UBA5: variants seen among roughly 807,000 people sequenced by gnomAD.
The protein encoded by UBA5 is ubiquitin like modifier activating enzyme 5.
A neutral mutation model predicts 52.9 loss-of-function variants in UBA5; 28 were observed. The ratio of observed to expected loss-of-function variants is 0.53; its 90% CI spans 0.39 to 0.73. UBA5 has a LOEUF of 0.73. UBA5 is among the 30% of genes least tolerant of loss of function. The probability of loss-of-function intolerance (pLI) is 0.00; values close to 1 mark genes in which losing one functional copy is unlikely to be tolerated. For missense variants in UBA5, 388 were observed against 492.7 expected (o/e 0.79, Z 2.01); for synonymous variants, 135 against 162.1 (o/e 0.83, Z 1.27).
chr3:132,670,927 G>A, intron 5 of UBA5, 38 bp from the exon 6 acceptor site: 1 of 1,468,524 alleles, frequency 6.8e-7, no homozygotes, highest in South Asian at 1.1e-5. Flanking sequence ...AGTGTATTTT[G>A]TGTCCTGATG....
Position 132,660,785 on chromosome 3 carries a change from T to C in UBA5, c.161+87T>C, listed in dbSNP as rs988208587. 5 of 1,451,142 alleles carry C rather than the reference T, an allele frequency of 3.4e-6. No individual in the cohort carries two copies. In the African/African-American group the frequency reaches 7.2e-5, roughly 21 times the overall value. The allele number at this position is 1,451,142 out of a possible 1,614,324, so 89.9% of individuals were successfully genotyped here. A position where few individuals can be genotyped will look rare whatever the true frequency, so the allele number is the denominator to read the frequency against. ...AAGTGAGGCGCTTCCCACGTCCCGC[T>C]CATGGGGACGCCCGCCACCCTTTTC... On this transcript the variant is annotated intron_variant, in intron 1 of 11. Coordinates refer to ENST00000356232, the MANE Select transcript of UBA5 (RefSeq NM_024818.6). This position sits in a 1 kb window ranked among gnomAD's most constrained non-coding sequence, Gnocchi z 4.1.
At chr3:132,658,192 G>C (rs1372428947), upstream of UBA5, among the ~76,000 whole-genome samples, 1 of 152,050 alleles carries the variant, frequency 6.6e-6, no homozygotes, top group Non-Finnish European at 1.5e-5. Context: ...TATAAAGATT[G>C]ATTCTTTTGA....
intron 1 of UBA5, among the ~76,000 whole-genome samples, chr3:132,661,843 G>C (rs1185329570): frequency 2.0e-5 from 3 of 152,210 alleles, no homozygotes; most frequent in African/African-American, 7.2e-5. Flanking sequence ...TTTAGTTTGT[G>C]ATATATAAAG....
Position 132,660,871 on chromosome 3 carries a change from ATTC to A in UBA5, c.161+176_161+178del. ...CACATCTTAGTACTGATCGGAAGATATTCTTTCTCTTTTTTAAAAACCTCCAGT... is the reference window on the plus strand; with the variant it reads ...CACATCTTAGTACTGATCGGAAGATATTTCTCTTTTTTAAAAACCTCCAGT... On this transcript the variant is annotated intron_variant, in intron 1 of 11. Coordinates refer to ENST00000356232, the MANE Select transcript of UBA5 (RefSeq NM_024818.6). The surrounding 1 kb of genome is among the most constrained non-coding windows in gnomAD (Gnocchi z 4.1). 1 of 1,445,166 alleles carries A rather than the reference ATTC, an allele frequency of 6.9e-7. No homozygotes were observed. Among genetic ancestry groups the A allele is most frequent in the Non-Finnish European group, 9.1e-7 (1 of 1,101,266 alleles). The allele number at this position is 1,445,166 out of a possible 1,614,324, so 89.5% of individuals were successfully genotyped here. A position where few individuals can be genotyped will look rare whatever the true frequency, so the allele number is the denominator to read the frequency against.
At chr3:132,668,702 G>A in intron 3 of UBA5, 116 bp from the exon 4 acceptor site, 1 of 625,350 alleles carries the variant, frequency 1.6e-6, no homozygotes, top group East Asian at 2.8e-5. Context: ...TGTAGAGTTA[G>A]CTAATATTAT....
In UBA5 at chr3:132,660,367, C is replaced by G; in HGVS notation, c.-171C>G. On this transcript the variant is annotated 5_prime_UTR_variant, in exon 1 of 12. Coordinates refer to ENST00000356232, the MANE Select transcript of UBA5 (RefSeq NM_024818.6). The surrounding 1 kb of genome is among the most constrained non-coding windows in gnomAD (Gnocchi z 4.1). ...CTCCGAGGAAGGCCTGTGGGAGTCT[C>G]GGAGACGTGTCTGTCTGTGAGGCGC... 1.2e-6 allele frequency: 1 copy of G among 800,816 alleles called. No individual in the cohort carries two copies. The highest frequency in any genetic ancestry group is 1.8e-5 in the African/African-American group (1 of 56,998). 49.6% of individuals were successfully genotyped at this position (800,816 alleles called of 1,614,324 possible).
intron 8 of UBA5, among the ~76,000 whole-genome samples, chr3:132,674,171 A>C (rs1443243448): frequency 6.6e-6 from 1 of 152,164 alleles, no homozygotes; most frequent in East Asian, 1.9e-4. Context: ...TATTTGTGAA[A>C]AAGGTTGAAC....
rs1360236818 is a variant in UBA5, at chr3:132,666,058, A to G, written c.282A>G (p.Arg94=). Reference sequence around the variant, plus strand: ...GTGTGACTGCTGAAATGCTGACAAGATGTGGCATTGGTAAGGTAAAAACAT... The same window carrying G: ...GTGTGACTGCTGAAATGCTGACAAGGTGTGGCATTGGTAAGGTAAAAACAT... The part of the protein sequence containing the change: ...VGSVTAEMLT[R]CGIGKLLLFD... Residue 94 remains arginine, a synonymous_variant, in exon 3 of 12, where the codon AGA becomes AGG. Coordinates refer to ENST00000356232, the MANE Select transcript of UBA5 (RefSeq NM_024818.6). 6.2e-7 allele frequency: 1 copy of G among 1,613,298 alleles called. No individual in the cohort carries two copies. Among genetic ancestry groups the G allele is most frequent in the Non-Finnish European group, 8.5e-7 (1 of 1,179,448 alleles).
At chr3:132,659,849 G>C (rs539351300), upstream of UBA5, 1 of 1,421,540 alleles carries the variant, frequency 7.0e-7, no homozygotes, top group Non-Finnish European at 9.3e-7. Flanking sequence ...CATGGGCCGA[G>C]GCCGGGGTGG....
At chr3:132,674,874 C>G (rs772060943) in intron 8 of UBA5, among the ~76,000 whole-genome samples, 15 of 152,118 alleles carry the variant, frequency 9.9e-5, no homozygotes, top group Non-Finnish European at 2.2e-4. Flanking sequence ...TCTTAATTAT[C>G]TCAGGGATTT....
rs762779162 is a variant in UBA5, at chr3:132,672,164, C to T, written c.799C>T (p.Gln267Ter). The T allele has an allele frequency of 6.2e-7, 1 of 1,613,662 alleles. No individual in the cohort carries two copies. The highest frequency in any genetic ancestry group is 8.5e-7 in the Non-Finnish European group (1 of 1,179,796). Residue 267 changes from glutamine (Q) to a stop codon, truncating the protein, a stop_gained, in exon 8 of 12, where the codon CAA becomes TAA. Coordinates refer to ENST00000356232, the MANE Select transcript of UBA5 (RefSeq NM_024818.6). LOFTEE classifies it high-confidence loss of function. Reference protein sequence around the residue: ...TMGVVAGILVQNVLKFLLNFG... With the variant: ...TMGVVAGILV The stretch of plus-strand genomic sequence containing the variant: ...GGGTGTGGTTGCTGGGATCTTAGTA[C>T]AAAACGTGTTAAAGTAAGTCAGGGC...
upstream of UBA5, chr3:132,659,866 G>A: frequency 2.3e-6 from 3 of 1,319,690 alleles, no homozygotes; most frequent in East Asian, 2.7e-5. Flanking sequence ...GTGGGGTCTG[G>A]CTCCAGCCAA....
Position 132,675,350 on chromosome 3 carries a change from C to T in UBA5, c.915C>T (p.Asp305=). 4 of 1,613,494 alleles carry T rather than the reference C, an allele frequency of 2.5e-6. No homozygotes were observed. The highest frequency in any genetic ancestry group is 8.5e-7 in the Non-Finnish European group (1 of 1,179,782). Residue 305 remains aspartate (D), a synonymous_variant, in exon 9 of 12, where the codon GAC becomes GAT. Coordinates refer to ENST00000356232, the MANE Select transcript of UBA5 (RefSeq NM_024818.6). ...MSMKPNPQCD[D]RNCRKQQEEY... ...TGAAGCCAAATCCTCAGTGTGATGA[C>T]AGAAATTGCAGGAAGCAGCAGGAGG...
At chr3:132,663,031 C>G (rs551599504) in intron 1 of UBA5, among the ~76,000 whole-genome samples, 1 of 152,040 alleles carries the variant, frequency 6.6e-6, no homozygotes, top group Admixed American at 6.5e-5. Flanking sequence ...ATAAAGGGTT[C>G]GTATTAATAA....
intron 3 of UBA5, 62 bp from the exon 4 acceptor site, chr3:132,668,755 AT>A: frequency 1.9e-6 from 2 of 1,039,464 alleles, no homozygotes; most frequent in South Asian, 1.5e-5. Context: ...TCTCTAATTT[AT>A]TTTTTGATAT....
chr3:132,673,072 T>C (rs80318415), intron 8 of UBA5, among the ~76,000 whole-genome samples: 2,116 of 152,264 alleles, frequency 0.014, 49 homozygotes, highest in African/African-American at 0.048. Context: ...GAAAAAAGCA[T>C]ACATATAAAC....
At chr3:132,660,190 C>A, upstream of UBA5, 1 of 411,824 alleles carries the variant, frequency 2.4e-6, no homozygotes, top group East Asian at 4.6e-5. The surrounding 1 kb of genome is among the most constrained non-coding windows in gnomAD (Gnocchi z 4.1). Flanking sequence ...CTTAGATACC[C>A]GGTTAGCAAG....
chr3:132,675,147 T>A (rs1938777085), intron 8 of UBA5, 101 bp from the exon 9 acceptor site: 26 of 852,672 alleles, frequency 3.0e-5, no homozygotes, highest in East Asian at 8.2e-5. Flanking sequence ...TTAAAAAAAA[T>A]ATATAATTAC....
intron 9 of UBA5, 73 bp downstream of exon 9, chr3:132,675,456 A>G: frequency 6.4e-7 from 1 of 1,554,650 alleles, no homozygotes. Context: ...TTTGGAATAC[A>G]AGATAAATGG....
Sources: gnomAD v4.1 joint callset for allele counts (sites outside exome capture counted in the v4.1 genomes callset) on GRCh38, gnomAD v4.1.1 for gene constraint, Gnocchi (gnomAD v3.1) non-coding constraint, MANE v1.5 for transcripts, NCBI Gene and HGNC (gene_info 2026-07-23, HGNC 2026-07-21) for gene names.